DDAH1: variants seen among roughly 807,000 people sequenced by gnomAD.
The protein encoded by DDAH1 is dimethylarginine dimethylaminohydrolase 1.
In DDAH1, 19 loss-of-function variants were observed where a neutral mutation model predicts 28.8. The ratio of observed to expected loss-of-function variants is 0.66; its 90% CI spans 0.46 to 0.97. The LOEUF is 0.97. Ranked by LOEUF, DDAH1 falls within the 50% of genes least tolerant of loss-of-function variation. The probability of loss-of-function intolerance (pLI) is 0.00; values close to 1 mark genes in which losing one functional copy is unlikely to be tolerated. For missense variants in DDAH1, 326 were observed against 375.9 expected (o/e 0.87, Z 1.10); for synonymous variants, 153 against 154.4 (o/e 0.99, Z 0.07).
chr1:85,510,996 A>C (rs1657205703), intron 1 of DDAH1, among the ~76,000 whole-genome samples: 1 of 152,220 alleles, frequency 6.6e-6, no homozygotes, highest in Non-Finnish European at 1.5e-5. Flanking sequence ...TGCAACAAGC[A>C]GATCCAATAG....
At chr1:85,536,489 G>T (rs1395630761) in intron 1 of DDAH1, among the ~76,000 whole-genome samples, 4 of 152,250 alleles carry the variant, frequency 2.6e-5, no homozygotes, top group East Asian at 1.9e-4. Context: ...GGAGGCGAAG[G>T]TTGCAGTGAG....
At chr1:85,390,369 C>T (rs1651487747) in intron 1 of DDAH1, among the ~76,000 whole-genome samples, 1 of 152,214 alleles carries the variant, frequency 6.6e-6, no homozygotes, top group Admixed American at 6.5e-5. Flanking sequence ...CTACTCCACA[C>T]ACCTGTCCCA....
intron 1 of DDAH1, among the ~76,000 whole-genome samples, chr1:85,434,478 A>C (rs1414009787): frequency 1.3e-5 from 2 of 151,658 alleles, no homozygotes; most frequent in Non-Finnish European, 2.9e-5. Flanking sequence ...GTGCAGTGGC[A>C]TGATCTTGGC....
At chr1:85,483,195 T>C (rs977149294) in intron 2 of DDAH1, among the ~76,000 whole-genome samples, 3 of 135,662 alleles carry the variant, frequency 2.2e-5, no homozygotes, top group African/African-American at 8.5e-5. Flanking sequence ...GCCTGGGCAA[T>C]AGAGTGAGAC....
At chr1:85,570,759 T>C (rs1250447105) in intron 1 of DDAH1, among the ~76,000 whole-genome samples, 1 of 152,142 alleles carries the variant, frequency 6.6e-6, no homozygotes, top group Non-Finnish European at 1.5e-5. Context: ...TTCACTTTAA[T>C]CTGTACCTCC....
upstream of DDAH1, chr1:85,465,246 C>T: frequency 1.8e-6 from 2 of 1,089,182 alleles, no homozygotes; most frequent in East Asian, 1.2e-4. Flanking sequence ...CGCGCGCATC[C>T]CGCGCGCCCA....
intron 1 of DDAH1, among the ~76,000 whole-genome samples, chr1:85,450,815 G>A (rs899580542): frequency 1.3e-5 from 2 of 152,134 alleles, no homozygotes; most frequent in Non-Finnish European, 2.9e-5. Flanking sequence ...AAAATATATC[G>A]AATGTGTAAA....
At chr1:85,444,549 C>T (rs1196538938) in intron 1 of DDAH1, among the ~76,000 whole-genome samples, 1 of 152,212 alleles carries the variant, frequency 6.6e-6, no homozygotes, top group Non-Finnish European at 1.5e-5. Flanking sequence ...CCACAGGCAT[C>T]CTGACCTCAA....
chr1:85,465,301 G>C, upstream of DDAH1: 1 of 814,864 alleles, frequency 1.2e-6, no homozygotes, highest in Non-Finnish European at 1.5e-6. Flanking sequence ...GGGAGTTGTA[G>C]CGGCGAGCGC....
At chr1:85,436,443 C>T (rs750158440) in intron 1 of DDAH1, among the ~76,000 whole-genome samples, 2 of 151,984 alleles carry the variant, frequency 1.3e-5, no homozygotes, top group Non-Finnish European at 2.9e-5. Flanking sequence ...TGGCCAAAAC[C>T]CCAGGGAAAG....
intron 1 of DDAH1, among the ~76,000 whole-genome samples, chr1:85,381,543 C>T (rs1295546150): frequency 1.3e-5 from 2 of 151,234 alleles, no homozygotes; most frequent in Admixed American, 6.6e-5. Flanking sequence ...ATTCTTATGC[C>T]TTTACGCCTG....
intron 1 of DDAH1, among the ~76,000 whole-genome samples, chr1:85,538,592 C>T (rs1385643294): frequency 6.6e-6 from 1 of 151,450 alleles, no homozygotes; most frequent in Non-Finnish European, 1.5e-5. Context: ...ATCGCCTGTG[C>T]TGTGCATTTT....
upstream of DDAH1, chr1:85,467,616 G>C (rs1012737983): frequency 2.6e-5 from 4 of 152,130 alleles, no homozygotes; most frequent in Non-Finnish European, 5.9e-5. Context: ...AAAAGTGTTA[G>C]AATGTATATA....
At chr1:85,435,244 A>T (rs1450188779) in intron 1 of DDAH1, 4 of 152,218 alleles carry the variant, frequency 2.6e-5, no homozygotes, top group African/African-American at 9.6e-5. Context: ...CCTGTAACTG[A>T]CTGTAATCAA....
intron 1 of DDAH1, among the ~76,000 whole-genome samples, chr1:85,435,623 G>C (rs1185627053): frequency 6.6e-6 from 1 of 152,160 alleles, no homozygotes; most frequent in African/African-American, 2.4e-5. Flanking sequence ...AGGAGGTGGA[G>C]AGTTGTGAAA....
chr1:85,435,530 A>G (rs1653893273), intron 1 of DDAH1, among the ~76,000 whole-genome samples: 1 of 152,342 alleles, frequency 6.6e-6, no homozygotes, highest in African/African-American at 2.4e-5. Flanking sequence ...TAAAAAATAA[A>G]TAAGTACAAC....
At chr1:85,357,759 T>C (rs1366945135) in intron 2 of DDAH1, among the ~76,000 whole-genome samples, 1 of 152,244 alleles carries the variant, frequency 6.6e-6, no homozygotes, top group East Asian at 1.9e-4. Flanking sequence ...CTATTGATTA[T>C]CTTGCTCATC....
At chr1:85,513,675 A>G (rs989389022) in intron 1 of DDAH1, among the ~76,000 whole-genome samples, 13 of 152,194 alleles carry the variant, frequency 8.5e-5, no homozygotes, top group African/African-American at 3.1e-4. Context: ...AAACAACCCT[A>G]TCAAAAAGTG....
chr1:85,489,268 G>A (rs770888072), intron 2 of DDAH1, among the ~76,000 whole-genome samples: 14 of 152,186 alleles, frequency 9.2e-5, no homozygotes, highest in Non-Finnish European at 2.1e-4. Flanking sequence ...AAATAATAGG[G>A]TGTGTGCTAT....
Sources: allele counts gnomAD v4.1 joint callset (sites outside exome capture counted in the v4.1 genomes callset), GRCh38; gene constraint gnomAD v4.1.1; transcripts MANE v1.5; gene names NCBI Gene and HGNC (gene_info 2026-07-23, HGNC 2026-07-21).